The following NEBL variants were observed in gnomAD, a reference collection of about 807,000 sequenced individuals.
NEBL encodes LIM and SH3 protein 2.
In NEBL, 122 loss-of-function variants were observed where a neutral mutation model predicts 140.2. The ratio of observed to expected loss-of-function variants is 0.87; its 90% CI spans 0.75 to 1.01. NEBL has a LOEUF of 1.01. Among genes scored for constraint, NEBL ranks in the 50% least tolerant of loss-of-function variants. NEBL has a pLI of 0.00. For synonymous variants in NEBL, 436 were observed against 398.9 expected, an observed-to-expected ratio of 1.09 and a Z score of -1.11; for missense variants, 1,365 against 1,231.3, an observed-to-expected ratio of 1.11 and a Z score of -1.62.
upstream of NEBL, chr10:20,899,440 T>C: frequency 4.6e-6 from 6 of 1,298,994 alleles, no homozygotes; most frequent in Non-Finnish European, 6.1e-6. Context: ...TCTTAGGGAC[T>C]CTTCACTGTG....
intron 3 of NEBL, among the ~76,000 whole-genome samples, chr10:21,210,431 A>G (rs1841897361): frequency 6.6e-6 from 1 of 152,032 alleles, no homozygotes; most frequent in African/African-American, 2.4e-5. Context: ...AACTAAGAAA[A>G]CCAAACTCTC....
rs550213203 is a variant in NEBL at position 20,987,249 on chromosome 10, GT to G, written c.250-25471del. ...TTCATTCTAACCAAACCCTGAGTGG[GT>G]ATTTCCTAAGGACAATGTTTCCCTT... On this transcript the variant is annotated intron_variant, in intron 3 of 6. Transcript: ENST00000417816. Among the ~76,000 whole-genome samples the G allele has an allele frequency of 5.3e-5, 8 of 151,880 alleles. No individual in the cohort carries two copies. The South Asian group carries it at 1.7e-3, about 32-fold the overall frequency.
chr10:20,805,888 A>G (rs1257386614), intron 26 of NEBL, among the ~76,000 whole-genome samples: 1 of 151,818 alleles, frequency 6.6e-6, no homozygotes. Flanking sequence ...CTTACAAGGC[A>G]TTATTTGAGT....
rs527359372 is a variant in NEBL, at chr10:20,992,373, C to T, written c.249+27744G>A. Among the ~76,000 whole-genome samples, 47 of 152,308 alleles carry T rather than the reference C, an allele frequency of 3.1e-4. 2 individuals carry two copies. The South Asian group carries it at 8.5e-3, about 28-fold the overall frequency. On this transcript the variant is annotated intron_variant, in intron 3 of 6. Coordinates refer to the NEBL transcript ENST00000417816. ...TTGCAGTTCAGACACAGGCATGTGA[C>T]CTAGGCAGCATGAATTAGATGGACC... is the stretch of plus-strand genomic sequence containing the variant.
intron 3 of NEBL, among the ~76,000 whole-genome samples, chr10:21,001,005 C>T (rs1002201348): frequency 3.4e-4 from 52 of 152,142 alleles, no homozygotes; most frequent in African/African-American, 1.2e-3. Flanking sequence ...GTCAGGAATT[C>T]GCTCCTGCAC....
chr10:21,176,469 C>T (rs1250519395), upstream of NEBL, among the ~76,000 whole-genome samples: 2 of 152,180 alleles, frequency 1.3e-5, no homozygotes, highest in Non-Finnish European at 2.9e-5. Flanking sequence ...TCATTTTCTA[C>T]ATCAAACCAG....
rs141840695 is a variant in NEBL at position 21,193,476 on chromosome 10, T to C, written n.349-20999A>G. ...CCCTTCATCACCCACGCTTGGATGA[T>C]ACAATCCAAGTTTTAAGGGCTACAC... is the stretch of plus-strand genomic sequence containing the variant. On this transcript the variant is annotated intron_variant and non_coding_transcript_variant, in intron 3 of 8. Transcript: ENST00000675702. 2.2e-4 allele frequency among the ~76,000 whole-genome samples: 34 copies of C among 152,234 alleles called. 1 individual carries two copies. The East Asian group carries it at 5.0e-3, about 23-fold the overall frequency.
chr10:20,861,106 T>C (rs1843653982), intron 7 of NEBL, among the ~76,000 whole-genome samples: 1 of 152,198 alleles, frequency 6.6e-6, no homozygotes, highest in Non-Finnish European at 1.5e-5. Flanking sequence ...AAATTACAAA[T>C]GAAATAAATT....
intron 1 of NEBL, among the ~76,000 whole-genome samples, chr10:21,288,847 T>TATATATATATATATATATAA (rs1843103330): frequency 1.1e-5 from 1 of 89,012 alleles, no homozygotes; most frequent in Non-Finnish European, 2.1e-5. Context: ...TATATATATA[T>TATATATATATATATATATAA]ATAAAAATTT....
At chr10:20,954,420 G>T (rs1323063293) in intron 4 of NEBL, among the ~76,000 whole-genome samples, 1 of 152,190 alleles carries the variant, frequency 6.6e-6, no homozygotes. Flanking sequence ...TCAGTCTGAG[G>T]GTAGGAAAAC....
At chr10:21,062,690 A>G (rs1835357711) in intron 2 of NEBL, among the ~76,000 whole-genome samples, 1 of 151,746 alleles carries the variant, frequency 6.6e-6, no homozygotes, top group Admixed American at 6.6e-5. Context: ...CTGTCTCTAA[A>G]AAAAAAAGGA....
chr10:20,967,198 G>T (rs1040522445), intron 3 of NEBL, among the ~76,000 whole-genome samples: 1 of 151,914 alleles, frequency 6.6e-6, no homozygotes, highest in Admixed American at 6.6e-5. Flanking sequence ...AAAAAAATAG[G>T]AAACAACCTA....
At chr10:21,123,448 T>A (rs147534757) in intron 2 of NEBL, among the ~76,000 whole-genome samples, 94 of 152,336 alleles carry the variant, frequency 6.2e-4, no homozygotes, top group Middle Eastern at 6.8e-3. Flanking sequence ...TCAACTTTAT[T>A]CATACACTGA....
chr10:21,043,561 A>G (rs1834365067), intron 2 of NEBL, among the ~76,000 whole-genome samples: 1 of 152,220 alleles, frequency 6.6e-6, no homozygotes, highest in Non-Finnish European at 1.5e-5. Context: ...CACATACATG[A>G]TTAAAGGAAT....
chr10:21,124,662 T>C (rs762543599), intron 2 of NEBL, among the ~76,000 whole-genome samples: 24 of 152,008 alleles, frequency 1.6e-4, no homozygotes, highest in Non-Finnish European at 3.1e-4. Flanking sequence ...CCAAAAGAAA[T>C]AAAAACAAGG....
At chr10:21,199,947 G>A (rs1047854773) in intron 3 of NEBL, among the ~76,000 whole-genome samples, 5 of 152,072 alleles carry the variant, frequency 3.3e-5, no homozygotes, top group African/African-American at 1.2e-4. Flanking sequence ...TACACTGTTG[G>A]CTCTAAACTG....
chr10:20,995,931 GA>G (rs77779178), intron 3 of NEBL, among the ~76,000 whole-genome samples: 14,451 of 149,694 alleles, frequency 0.097, 1,528 homozygotes, highest in East Asian at 0.38. Context: ...AGTTTATTAT[GA>G]AAAAAAAAAT....
At chr10:20,854,318 C>G (rs1842831259) in intron 9 of NEBL, among the ~76,000 whole-genome samples, 1 of 151,972 alleles carries the variant, frequency 6.6e-6, no homozygotes, top group African/African-American at 2.4e-5. Flanking sequence ...AGGGGATACT[C>G]CAGGGATTTC....
At chr10:21,179,603 T>G (rs954473894), upstream of NEBL, among the ~76,000 whole-genome samples, 7 of 152,164 alleles carry the variant, frequency 4.6e-5, no homozygotes, top group South Asian at 2.1e-4. Context: ...AAAGTTTCTC[T>G]GCTGCAAACC....
Sources: gnomAD v4.1 joint callset for allele counts (sites outside exome capture counted in the v4.1 genomes callset) on GRCh38, gnomAD v4.1.1 for gene constraint, MANE v1.5 for transcripts, NCBI Gene and HGNC (gene_info 2026-07-23, HGNC 2026-07-21) for gene names.